The following RANBP3 variants were observed in gnomAD, a reference collection of about 807,000 sequenced individuals.
The protein encoded by RANBP3 is ran-binding protein 3.
A neutral mutation model predicts 77.3 loss-of-function variants in RANBP3; 14 were observed. That is an observed-to-expected ratio of 0.18 (90% CI 0.12 to 0.28). RANBP3 has a LOEUF of 0.28. RANBP3 is among the 10% of genes least tolerant of loss of function. RANBP3 has a pLI of 1.00. For synonymous variants in RANBP3, 315 were observed against 312.4 expected, an observed-to-expected ratio of 1.01 and a Z score of -0.09; for missense variants, 586 against 752.3, an observed-to-expected ratio of 0.78 and a Z score of 2.59.
At chr19:5,954,693 G>C (rs1034320311) in intron 2 of RANBP3, among the ~76,000 whole-genome samples, 1 of 152,166 alleles carries the variant, frequency 6.6e-6, no homozygotes, top group African/African-American at 2.4e-5. Flanking sequence ...GTCCCAGCTC[G>C]GCTTCTGGAG....
chr19:5,977,954 A>T (rs970224418), intron 1 of RANBP3, 107 bp downstream of exon 1: 4 of 1,431,202 alleles, frequency 2.8e-6, no homozygotes, highest in Non-Finnish European at 3.8e-6. Context: ...CCTGGAGCGG[A>T]CGAAACCCTT....
intron 5 of RANBP3, among the ~76,000 whole-genome samples, chr19:5,938,585 G>T (rs967132741): frequency 3.9e-5 from 6 of 152,220 alleles, no homozygotes; most frequent in Admixed American, 3.9e-4. Flanking sequence ...CCAGCTACTT[G>T]GGAGGCTGAG....
rs1157090416 is a variant in RANBP3 at position 5,958,430 on chromosome 19, T to A, written c.23-457A>T. ...TCGCGCTGTTTGCAGACAGTTCTGG[T>A]AGAAGAATCCTAACGCTCAACCTGG... On this transcript the variant is annotated intron_variant, in intron 1 of 16. Transcript: ENST00000340578. The surrounding 1 kb of genome is among the most constrained non-coding windows in gnomAD (Gnocchi z 4.4). 2.0e-5 allele frequency among the ~76,000 whole-genome samples: 3 copies of A among 152,220 alleles called. No homozygotes were observed. The highest frequency in any genetic ancestry group is 4.4e-5 in the Non-Finnish European group (3 of 68,042).
At chr19:5,935,443 C>T (rs371701160) in intron 5 of RANBP3, among the ~76,000 whole-genome samples, 2 of 152,348 alleles carry the variant, frequency 1.3e-5, no homozygotes, top group African/African-American at 4.8e-5. Flanking sequence ...TTCCAAAGCA[C>T]GGAGCTATGC....
rs1196982545 is a variant in RANBP3, at chr19:5,916,933, C to G, written c.*677G>C. 1 of 152,396 alleles carries G rather than the reference C, an allele frequency of 6.6e-6. No homozygotes were observed. Among genetic ancestry groups the G allele is most frequent in the Admixed American group, 6.5e-5 (1 of 15,286 alleles). The allele number at this position is 152,396 out of a possible 1,614,324, so 9.4% of individuals were successfully genotyped here. A position where few individuals can be genotyped will look rare whatever the true frequency, so the allele number is the denominator to read the frequency against. ...AGAGGCCAGAACCACAGGTGGGGGACAGGGACCTCGACAGAGCTGTGCCTG... is the reference window on the plus strand; with the variant it reads ...AGAGGCCAGAACCACAGGTGGGGGAGAGGGACCTCGACAGAGCTGTGCCTG... On this transcript the variant is annotated 3_prime_UTR_variant, in exon 17 of 17. Transcript: ENST00000340578.
chr19:5,978,114 G>C lies in RANBP3; in HGVS notation c.-32C>G. ...TCCTTAAGCCCTCCCACAAGGCCCC[G>C]CGCCGGCCCAGGCTCGCCTGCTTTC... On this transcript the variant is annotated 5_prime_UTR_variant, in exon 1 of 17. Coordinates refer to ENST00000340578, the MANE Select transcript of RANBP3 (RefSeq NM_007322.3). The C allele has an allele frequency of 3.1e-6, 5 of 1,600,886 alleles. No individual in the cohort carries two copies. Among genetic ancestry groups the C allele is most frequent in the Non-Finnish European group, 3.4e-6 (4 of 1,174,572 alleles).
At position 5,933,407 on chromosome 19, in the gene RANBP3, G is replaced by C; in HGVS notation, c.472+7C>G. 2 of 1,608,086 alleles carry C rather than the reference G, an allele frequency of 1.2e-6. No homozygotes were observed. Among genetic ancestry groups the C allele is most frequent in the East Asian group, 2.3e-5 (1 of 44,418 alleles). ...CACCCCCCGCCCCAGGGAGGTAGAC[G>C]ACCTACCTGCGCTGGGGGCTTGGCC... On this transcript the variant is annotated splice_region_variant and intron_variant, in intron 6 of 16. Coordinates refer to ENST00000340578, the MANE Select transcript of RANBP3 (RefSeq NM_007322.3).
At chr19:5,950,311 G>A (rs2058259620) in intron 3 of RANBP3, among the ~76,000 whole-genome samples, 1 of 152,110 alleles carries the variant, frequency 6.6e-6, no homozygotes, top group African/African-American at 2.4e-5. Flanking sequence ...GTGCCACGAA[G>A]GCCACTACTG....
At chr19:5,976,102 A>G (rs2058587942) in intron 1 of RANBP3, among the ~76,000 whole-genome samples, 1 of 152,206 alleles carries the variant, frequency 6.6e-6, no homozygotes, top group South Asian at 2.1e-4. Flanking sequence ...TTTGCTGTGC[A>G]GTATGAGAAA....
chr19:5,975,703 G>A (rs1274454823), intron 1 of RANBP3, among the ~76,000 whole-genome samples: 1 of 147,628 alleles, frequency 6.8e-6, no homozygotes, highest in African/African-American at 2.5e-5. Context: ...CAGGGTGAAC[G>A]GAATAGAGAA....
Position 5,925,842 on chromosome 19 carries a change from C to T in RANBP3, c.814-105G>A, listed in dbSNP as rs570020947. 1.0e-4 allele frequency: 92 copies of T among 877,402 alleles called. No individual in the cohort carries two copies. In the African/African-American group the frequency reaches 1.5e-3, roughly 14 times the overall value. The allele number at this position is 877,402 out of a possible 1,614,324, so 54.4% of individuals were successfully genotyped here. On this transcript the variant is annotated intron_variant, in intron 9 of 16. Coordinates refer to ENST00000340578, the MANE Select transcript of RANBP3 (RefSeq NM_007322.3). ...TGAGCTGCATGGAGCTGCTCGGAGC[C>T]ATGAACCCTCTCCTGTACCCGCCTG...
chr19:5,943,984 T>G (rs931347557), intron 3 of RANBP3, among the ~76,000 whole-genome samples: 25 of 152,162 alleles, frequency 1.6e-4, no homozygotes, highest in Non-Finnish European at 3.5e-4. Context: ...AAGAACTCAG[T>G]GTATTCCGGC....
chr19:5,938,380 C>T (rs559283857), intron 5 of RANBP3, among the ~76,000 whole-genome samples: 1 of 152,226 alleles, frequency 6.6e-6, no homozygotes, highest in Admixed American at 6.5e-5. Flanking sequence ...AAAGGGGGAG[C>T]GGCTTTCCTT....
intron 3 of RANBP3, among the ~76,000 whole-genome samples, chr19:5,946,846 T>C (rs1345370967): frequency 3.9e-5 from 6 of 152,194 alleles, no homozygotes; most frequent in African/African-American, 1.4e-4. Context: ...ACATTTTCCA[T>C]TTCCTAGACT....
Position 5,952,523 on chromosome 19 carries a change from A to G in RANBP3, c.79-927T>C, listed in dbSNP as rs1305389720. On this transcript the variant is annotated intron_variant, in intron 2 of 16. Transcript: ENST00000340578. This position sits in a 1 kb window ranked among gnomAD's most constrained non-coding sequence, Gnocchi z 4.1. ...GGTTAAACACCTGGTGTCCTAAAACAGACTCCAGTCCCCAAACCTCCCTCT... is the reference window on the plus strand; with the variant it reads ...GGTTAAACACCTGGTGTCCTAAAACGGACTCCAGTCCCCAAACCTCCCTCT... Among the ~76,000 whole-genome samples, 1 of 152,218 alleles carries G rather than the reference A, an allele frequency of 6.6e-6. No homozygotes were observed. The highest frequency in any genetic ancestry group is 6.5e-5 in the Admixed American group (1 of 15,288).
rs1332350234 is a variant in RANBP3 at position 5,918,476 on chromosome 19, C to T, written c.1473+20G>A. On this transcript the variant is annotated intron_variant, in intron 15 of 16. Coordinates refer to ENST00000340578, the MANE Select transcript of RANBP3 (RefSeq NM_007322.3). ...CTGGCAGGATGAGGGGTCCCAGATGCACCCGCGTGGCTGGCTCACCGAGAT... is the reference window on the plus strand; with the variant it reads ...CTGGCAGGATGAGGGGTCCCAGATGTACCCGCGTGGCTGGCTCACCGAGAT... 3.2e-6 allele frequency: 5 copies of T among 1,564,626 alleles called. No individual in the cohort carries two copies. The East Asian group carries it at 7.2e-5, about 23-fold the overall frequency.
At chr19:5,947,186 T>C (rs1315808444) in intron 3 of RANBP3, among the ~76,000 whole-genome samples, 1 of 151,588 alleles carries the variant, frequency 6.6e-6, no homozygotes, top group Non-Finnish European at 1.5e-5. Flanking sequence ...TGGTGGTGCA[T>C]GCCTGTAATC....
rs899949016 is a variant in RANBP3, at chr19:5,926,178, C to G, written c.814-441G>C. Among the ~76,000 whole-genome samples, 2 of 152,134 alleles carry G rather than the reference C, an allele frequency of 1.3e-5. 1 individual carries two copies. Among genetic ancestry groups the G allele is most frequent in the African/African-American group, 4.8e-5 (2 of 41,424 alleles). On this transcript the variant is annotated intron_variant, in intron 9 of 16. Coordinates refer to ENST00000340578, the MANE Select transcript of RANBP3 (RefSeq NM_007322.3). The stretch of plus-strand genomic sequence containing the variant: ...TGTCAAATGCACGATCTGCTTTAAT[C>G]CTCACGAGGCCTGGGAGGGGGATGT...
At chr19:5,925,779 G>T (rs369323689) in intron 9 of RANBP3, 42 bp from the exon 10 acceptor site, 2 of 1,528,468 alleles carry the variant, frequency 1.3e-6, no homozygotes, top group Non-Finnish European at 9.1e-7. Context: ...GGGTGGGGGG[G>T]TGCCTGGAGT....
Sources: gnomAD v4.1 joint callset for allele counts (sites outside exome capture counted in the v4.1 genomes callset) on GRCh38, gnomAD v4.1.1 for gene constraint, Gnocchi (gnomAD v3.1) non-coding constraint, MANE v1.5 for transcripts, NCBI Gene and HGNC (gene_info 2026-07-23, HGNC 2026-07-21) for gene names.